OSBPL10: variants seen among roughly 807,000 people sequenced by gnomAD.
The protein encoded by OSBPL10 is oxysterol-binding protein-related protein 10.
Under a neutral mutation model 81.7 loss-of-function variants are expected in OSBPL10, and 49 were observed. The ratio of observed to expected loss-of-function variants is 0.60; its 90% CI spans 0.48 to 0.76. The LOEUF (loss-of-function observed/expected upper bound fraction) is 0.76, where lower values mean the gene tolerates loss of function less well. Among genes scored for constraint, OSBPL10 ranks in the 30% least tolerant of loss-of-function variants. The pLI, the probability that OSBPL10 is intolerant of heterozygous loss-of-function variation, is 0.00. For missense variants in OSBPL10, 923 were observed against 987.8 expected, an observed-to-expected ratio of 0.93 and a Z score of 0.88; for synonymous variants, 419 against 383.6, an observed-to-expected ratio of 1.09 and a Z score of -1.08.
intron 1 of OSBPL10, among the ~76,000 whole-genome samples, chr3:31,892,850 A>G (rs980499215): frequency 6.6e-6 from 1 of 152,188 alleles, no homozygotes; most frequent in Non-Finnish European, 1.5e-5. Context: ...GGAGCAAGCC[A>G]CGGACCAGCA....
chr3:31,965,399 A>C (rs9813456), intron 1 of OSBPL10, among the ~76,000 whole-genome samples: 1 of 100,748 alleles, frequency 9.9e-6, no homozygotes, highest in African/African-American at 4.3e-5. Context: ...TATAATATAT[A>C]ATATAAAATA....
At chr3:31,854,234 G>T (rs1322239141) in intron 3 of OSBPL10, among the ~76,000 whole-genome samples, 1 of 151,678 alleles carries the variant, frequency 6.6e-6, no homozygotes, top group Non-Finnish European at 1.5e-5. Flanking sequence ...ACTGACCCCA[G>T]TGGTGGTTTT....
At chr3:31,813,255 A>C (rs1303730729) in intron 4 of OSBPL10, among the ~76,000 whole-genome samples, 1 of 152,168 alleles carries the variant, frequency 6.6e-6, no homozygotes, top group East Asian at 1.9e-4. Context: ...AGCATCTTTG[A>C]GTTGACAACC....
chr3:31,968,458 C>T (rs574482784), intron 1 of OSBPL10, among the ~76,000 whole-genome samples: 2 of 151,360 alleles, frequency 1.3e-5, no homozygotes, highest in Admixed American at 6.6e-5. Context: ...ACATGAATCA[C>T]TGCAATTTAG....
At chr3:31,728,036 T>C (rs1269605913) in intron 6 of OSBPL10, among the ~76,000 whole-genome samples, 4 of 152,224 alleles carry the variant, frequency 2.6e-5, no homozygotes, top group South Asian at 2.1e-4. Flanking sequence ...CCTTCCCTTA[T>C]TCTTAAAACA....
intron 1 of OSBPL10, chr3:31,960,113 A>G (rs1698117604): frequency 6.6e-6 from 1 of 152,140 alleles, no homozygotes; most frequent in Non-Finnish European, 1.5e-5. Flanking sequence ...CTATCTTAGC[A>G]CTTTGCTGAG....
intron 1 of OSBPL10, among the ~76,000 whole-genome samples, chr3:31,954,613 T>G (rs1019023304): frequency 2.0e-5 from 3 of 152,048 alleles, no homozygotes; most frequent in African/African-American, 4.8e-5. Flanking sequence ...GGTGGTTGCC[T>G]GGAGTGGGGA....
chr3:32,029,948 C>CT (rs1353781469), intron 2 of OSBPL10, among the ~76,000 whole-genome samples: 10 of 152,158 alleles, frequency 6.6e-5, no homozygotes, highest in Admixed American at 6.5e-4. Context: ...AATAAACACT[C>CT]TAACAGTACC....
intron 2 of OSBPL10, among the ~76,000 whole-genome samples, chr3:31,877,945 C>T (rs779112049): frequency 3.9e-5 from 6 of 152,176 alleles, no homozygotes; most frequent in East Asian, 1.9e-4. Context: ...AAAAGCTGTG[C>T]GTCTCATGAT....
intron 6 of OSBPL10, among the ~76,000 whole-genome samples, chr3:31,720,945 G>A (rs1696625034): frequency 6.6e-6 from 1 of 151,120 alleles, no homozygotes; most frequent in Non-Finnish European, 1.5e-5. Context: ...AGGTTACATG[G>A]CAATAGGGAA....
intron 4 of OSBPL10, among the ~76,000 whole-genome samples, chr3:31,752,843 C>A (rs1181347738): frequency 1.3e-5 from 2 of 152,212 alleles, no homozygotes; most frequent in African/African-American, 4.8e-5. Context: ...ACAAATTTGA[C>A]AACTTCAGTC....
At chr3:31,696,103 G>T (rs372623367) in intron 7 of OSBPL10, among the ~76,000 whole-genome samples, 11 of 152,272 alleles carry the variant, frequency 7.2e-5, no homozygotes, top group African/African-American at 2.6e-4. Flanking sequence ...GAGCCATGTG[G>T]TTAACCATGA....
At chr3:32,054,423 C>T (rs2125435931) in intron 1 of OSBPL10, among the ~76,000 whole-genome samples, 1 of 151,400 alleles carries the variant, frequency 6.6e-6, no homozygotes, top group East Asian at 1.9e-4. Flanking sequence ...ATTTGAAACT[C>T]CTATAATTCT....
intron 1 of OSBPL10, among the ~76,000 whole-genome samples, chr3:32,055,702 C>T (rs1215359937): frequency 6.6e-6 from 1 of 152,172 alleles, no homozygotes; most frequent in Non-Finnish European, 1.5e-5. Context: ...GAATCGCCTG[C>T]TTTCCTTTAA....
At chr3:32,020,773 G>C (rs1176563867) in intron 2 of OSBPL10, among the ~76,000 whole-genome samples, 2 of 152,078 alleles carry the variant, frequency 1.3e-5, no homozygotes, top group African/African-American at 4.8e-5. Context: ...AGAGCCACCA[G>C]TGAGTCTTAT....
chr3:31,883,567 G>A (rs545084322), intron 1 of OSBPL10, among the ~76,000 whole-genome samples: 1 of 130,294 alleles, frequency 7.7e-6, no homozygotes, highest in African/African-American at 3.0e-5. Flanking sequence ...GATGAGTCTT[G>A]CTCTGTTAGG....
chr3:31,941,076 G>A (rs562327487), intron 1 of OSBPL10, among the ~76,000 whole-genome samples: 4 of 152,276 alleles, frequency 2.6e-5, no homozygotes, highest in Admixed American at 1.3e-4. Context: ...ACGTTTGTCC[G>A]ACAGGTGAAT....
chr3:31,672,907 T>A (rs1251990217), intron 8 of OSBPL10, among the ~76,000 whole-genome samples: 1 of 152,134 alleles, frequency 6.6e-6, no homozygotes, highest in Non-Finnish European at 1.5e-5. Flanking sequence ...ACATCCTATC[T>A]TTCTCTGGCT....
chr3:31,972,743 C>T (rs1435412732), intron 1 of OSBPL10, among the ~76,000 whole-genome samples: 3 of 152,156 alleles, frequency 2.0e-5, no homozygotes, highest in African/African-American at 2.4e-5. Flanking sequence ...AAAAGAGTGA[C>T]TAAAAACTGA....
Sources: allele counts gnomAD v4.1 joint callset (sites outside exome capture counted in the v4.1 genomes callset), GRCh38; gene constraint gnomAD v4.1.1; transcripts MANE v1.5; gene names NCBI Gene and HGNC (gene_info 2026-07-23, HGNC 2026-07-21).